Variants in FARS2 observed in about 807,000 individuals in gnomAD.
The protein encoded by FARS2 is phenylalanyl-tRNA synthetase 2, mitochondrial.
A neutral mutation model predicts 46.4 loss-of-function variants in FARS2; 40 were observed. That is an observed-to-expected ratio of 0.86 (90% CI 0.67 to 1.12). The LOEUF (loss-of-function observed/expected upper bound fraction) is 1.12, where lower values mean the gene tolerates loss of function less well. FARS2 is among the 50% of genes most tolerant of loss of function. The pLI is 0.00. For missense variants in FARS2, 513 were observed against 567.9 expected, an observed-to-expected ratio of 0.90 and a Z score of 0.98; for synonymous variants, 234 against 214.9, an observed-to-expected ratio of 1.09 and a Z score of -0.78.
intron 6 of FARS2, among the ~76,000 whole-genome samples, chr6:5,638,942 C>G (rs760612134): frequency 6.6e-6 from 1 of 152,224 alleles, no homozygotes; most frequent in Non-Finnish European, 1.5e-5. Context: ...GTGGCAGGCA[C>G]TCTAAAGCTG....
chr6:5,441,112 G>A (rs539505189), intron 4 of FARS2, among the ~76,000 whole-genome samples: 78 of 152,052 alleles, frequency 5.1e-4, no homozygotes, highest in Non-Finnish European at 9.6e-4. Context: ...AGTAGAGACC[G>A]GATTTCACCA....
At position 5,514,700 on chromosome 6, in the gene FARS2, A is replaced by G. The variant is rs145512608; in HGVS notation, c.905-30480A>G. Among the ~76,000 whole-genome samples the G allele has an allele frequency of 1.4e-4, 22 of 152,116 alleles. No individual in the cohort carries two copies. In the East Asian group the frequency reaches 4.1e-3, roughly 28 times the overall value. ...CAGTCTTATACTGACATCCCTTGAC[A>G]TCCCTATGGGTACAGTCATGAGATT... On this transcript the variant is annotated intron_variant, in intron 4 of 6. Transcript: ENST00000274680.
chr6:5,431,304 T>G, intron 4 of FARS2, 132 bp downstream of exon 4: 1 of 892,232 alleles, frequency 1.1e-6, no homozygotes, highest in Non-Finnish European at 1.7e-6. Flanking sequence ...TCTCTTCAGA[T>G]TCCCCTCTAG....
intron 1 of FARS2, among the ~76,000 whole-genome samples, chr6:5,296,308 A>C (rs944953883): frequency 6.6e-6 from 1 of 151,390 alleles, no homozygotes; most frequent in Non-Finnish European, 1.5e-5. Flanking sequence ...CGCCCAGCTA[A>C]TTTTTTGTAT....
chr6:5,708,040 G>A (rs975134023), intron 6 of FARS2, among the ~76,000 whole-genome samples: 8 of 152,188 alleles, frequency 5.3e-5, no homozygotes, highest in Non-Finnish European at 2.9e-5. Flanking sequence ...ATTCCCCCAG[G>A]TGGAACAGGT....
chr6:5,545,308 G>A lies in FARS2; in HGVS notation c.1033G>A (p.Val345Ile). ...CGAGCGCTTCCTGAAGCAGTTCTGT[G>A]TATCCAACATTAATCAGAAGGTGAA... The part of the protein sequence containing the change: ...EDERFLKQFC[V>I]SNINQKVKFQ... Residue 345 changes from valine to isoleucine, a missense_variant, in exon 5 of 7, where the codon GTA becomes ATA. Physicochemically the swap from Val to Ile is conservative, Grantham distance 29. Transcript: ENST00000274680. 1 of 1,614,018 alleles carries A rather than the reference G, an allele frequency of 6.2e-7. No individual in the cohort carries two copies. The highest frequency in any genetic ancestry group is 8.5e-7 in the Non-Finnish European group (1 of 1,179,932).
intron 5 of FARS2, among the ~76,000 whole-genome samples, chr6:5,558,093 A>G (rs915498586): frequency 1.1e-4 from 16 of 152,072 alleles, no homozygotes; most frequent in Middle Eastern, 3.2e-3. Context: ...TAGGGACCAA[A>G]TGAAGTCAAA....
chr6:5,573,504 G>A (rs1772778722), intron 5 of FARS2, among the ~76,000 whole-genome samples: 1 of 152,196 alleles, frequency 6.6e-6, no homozygotes, highest in Non-Finnish European at 1.5e-5. Flanking sequence ...TATGGTGAAA[G>A]CAATGGAAAT....
intron 4 of FARS2, among the ~76,000 whole-genome samples, chr6:5,523,733 C>CTG (rs1051218690): frequency 1.3e-5 from 2 of 152,164 alleles, no homozygotes; most frequent in Non-Finnish European, 2.9e-5. Flanking sequence ...CTGTGTGTGC[C>CTG]TGTGTGTGTG....
chr6:5,431,049 A>T lies in FARS2; in HGVS notation c.781A>T (p.Ile261Leu), dbSNP rs201927340. The T allele has an allele frequency of 4.1e-5, 66 of 1,613,438 alleles. No individual in the cohort carries two copies. The highest frequency in any genetic ancestry group is 5.0e-5 in the Non-Finnish European group (59 of 1,179,634). Residue 261 changes from isoleucine (I) to leucine (L), a missense_variant, in exon 4 of 7, where the codon ATA becomes TTA. Transcript: ENST00000274680. Reference sequence around the variant, plus strand: ...CTTTGGCAACTTTGCAGAGCTGGAGATAAGATGGGTAGACTGCTACTTCCC... The same window carrying T: ...CTTTGGCAACTTTGCAGAGCTGGAGTTAAGATGGGTAGACTGCTACTTCCC... The part of the protein sequence containing the change: ...MAHLFGDELE[I>L]RWVDCYFPFT...
chr6:5,346,486 G>T (rs9392078), intron 1 of FARS2, among the ~76,000 whole-genome samples: 27,241 of 152,044 alleles, frequency 0.18, 2,971 homozygotes, highest in East Asian at 0.48. Context: ...ATCCCCTGAG[G>T]TATCCATAGA....
intron 1 of FARS2, among the ~76,000 whole-genome samples, chr6:5,320,864 G>T (rs1027079895): frequency 1.8e-4 from 28 of 152,280 alleles, no homozygotes; most frequent in African/African-American, 5.8e-4. Context: ...TCTCATAGAT[G>T]GCACTTTCTA....
At chr6:5,280,584 C>T (rs1766648898) in intron 1 of FARS2, among the ~76,000 whole-genome samples, 1 of 152,170 alleles carries the variant, frequency 6.6e-6, no homozygotes, top group African/African-American at 2.4e-5. Flanking sequence ...TCCCATCTGA[C>T]TACCTTGATA....
chr6:5,356,989 G>A (rs575168165), intron 1 of FARS2, among the ~76,000 whole-genome samples: 1 of 151,798 alleles, frequency 6.6e-6, no homozygotes, highest in African/African-American at 2.4e-5. Flanking sequence ...AGTATGATGG[G>A]GCTGTTTGGG....
At chr6:5,739,161 A>T (rs1257479287) in intron 6 of FARS2, among the ~76,000 whole-genome samples, 1 of 152,112 alleles carries the variant, frequency 6.6e-6, no homozygotes, top group African/African-American at 2.4e-5. Context: ...ACTCAACATA[A>T]TGCCCTTGGG....
At chr6:5,541,620 T>C (rs1770642255) in intron 4 of FARS2, among the ~76,000 whole-genome samples, 1 of 152,226 alleles carries the variant, frequency 6.6e-6, no homozygotes. Flanking sequence ...AGGAATAAGT[T>C]ATTTTTATTA....
At position 5,771,406 on chromosome 6, in the gene FARS2, T is replaced by G; in HGVS notation, c.1333T>G (p.Leu445Val). ...QALQEAAVQL[L>V]GVEGRF ...CTTGCAGGAGGCTGCAGTCCAGCTG[T>G]TGGGTGTGGAGGGCAGGTTCTGATG... is the stretch of plus-strand genomic sequence containing the variant. The change falls in exon 7 of 7, where the codon TTG becomes GTG. Residue 445 changes from leucine (L) to valine (V), a missense_variant. Physicochemically the swap from Leu to Val is conservative, Grantham distance 32 (BLOSUM62 1). Transcript: ENST00000274680. The G allele has an allele frequency of 6.2e-7, 1 of 1,614,032 alleles. No homozygotes were observed. Among genetic ancestry groups the G allele is most frequent in the South Asian group, 1.1e-5 (1 of 91,056 alleles).
chr6:5,564,199 T>C (rs1772184552), intron 5 of FARS2, among the ~76,000 whole-genome samples: 1 of 152,188 alleles, frequency 6.6e-6, no homozygotes, highest in South Asian at 2.1e-4. Context: ...GGACAGCAAT[T>C]CCCACAAGTG....
chr6:5,692,373 C>G (rs368724285), intron 6 of FARS2, among the ~76,000 whole-genome samples: 2 of 152,316 alleles, frequency 1.3e-5, no homozygotes, highest in South Asian at 2.1e-4. Context: ...AAATTTATCT[C>G]AACCTCAGCT....
Sources: allele counts gnomAD v4.1 joint callset (sites outside exome capture counted in the v4.1 genomes callset), GRCh38; gene constraint gnomAD v4.1.1; transcripts MANE v1.5; gene names NCBI Gene and HGNC (gene_info 2026-07-23, HGNC 2026-07-21).